The following DLGAP1 variants were observed in gnomAD, a reference collection of about 807,000 sequenced individuals.
DLGAP1 encodes the protein disks large-associated protein 1.
A neutral mutation model predicts 90.8 loss-of-function variants in DLGAP1; 11 were observed. The ratio of observed to expected loss-of-function variants is 0.12; its 90% CI spans 0.08 to 0.20. The LOEUF (loss-of-function observed/expected upper bound fraction) is 0.20. Ranked by LOEUF, DLGAP1 falls within the 10% of genes least tolerant of loss-of-function variation. The pLI is 1.00. For missense variants in DLGAP1, 1,050 were observed against 1,333.8 expected (o/e 0.79, Z 3.31); for synonymous variants, 558 against 540.7 (o/e 1.03, Z -0.44).
intron 9 of DLGAP1, among the ~76,000 whole-genome samples, chr18:3,548,825 C>G (rs1468273813): frequency 6.6e-6 from 1 of 152,016 alleles, no homozygotes; most frequent in African/African-American, 2.4e-5. Context: ...TTGCTTGAGC[C>G]CAGAGGTTTG....
intron 7 of DLGAP1, among the ~76,000 whole-genome samples, chr18:3,655,117 T>C (rs911919902): frequency 1.3e-5 from 2 of 151,924 alleles, no homozygotes; most frequent in South Asian, 4.2e-4. Context: ...CCTCCATGCA[T>C]TGCCCATTCA....
chr18:4,211,482 C>A (rs1020698826), intron 1 of DLGAP1, among the ~76,000 whole-genome samples: 1 of 152,104 alleles, frequency 6.6e-6, no homozygotes, highest in African/African-American at 2.4e-5. Flanking sequence ...AGGCATTAGA[C>A]CTAATCTTTC....
intron 5 of DLGAP1, among the ~76,000 whole-genome samples, chr18:3,810,021 G>A (rs1034112158): frequency 2.6e-5 from 4 of 152,030 alleles, no homozygotes; most frequent in Non-Finnish European, 5.9e-5. Context: ...GAATTTTTTT[G>A]AAAATGCTAA....
rs553319955 is a variant in DLGAP1 at position 4,012,718 on chromosome 18, C to CTT, written c.-158-7519_-158-7518dup. Among the ~76,000 whole-genome samples the CTT allele has an allele frequency of 5.8e-4, 82 of 141,972 alleles. No individual in the cohort carries two copies. The South Asian group carries it at 0.011, about 18-fold the overall frequency. The allele number at this position is 141,972 out of a possible 152,430, so 93.1% of individuals were successfully genotyped here. A position where few individuals can be genotyped will look rare whatever the true frequency, so the allele number is the denominator to read the frequency against. On this transcript the variant is annotated intron_variant, in intron 2 of 12. Transcript: ENST00000315677. ...ATCTTGTTAACAGATTGCTCCTGTT[C>CTT]TTTTTTTTTTTTTTTGAGACAGGGT... is the stretch of plus-strand genomic sequence containing the variant.
At chr18:4,435,121 G>A (rs1377686393) in intron 1 of DLGAP1, among the ~76,000 whole-genome samples, 2 of 152,168 alleles carry the variant, frequency 1.3e-5, no homozygotes, top group Non-Finnish European at 2.9e-5. Context: ...TCAGAGAATA[G>A]TTTGGAGGAG....
chr18:3,657,053 G>A (rs902060114), intron 7 of DLGAP1, among the ~76,000 whole-genome samples: 1 of 152,146 alleles, frequency 6.6e-6, no homozygotes, highest in Non-Finnish European at 1.5e-5. Context: ...GCTTTTCGGT[G>A]AATTTAAAGG....
At position 4,140,769 on chromosome 18, in the gene DLGAP1, T is replaced by A. The variant is rs185175038; in HGVS notation, c.-159+10411A>T. Among the ~76,000 whole-genome samples the A allele has an allele frequency of 7.2e-5, 11 of 152,140 alleles. No homozygotes were observed. The East Asian group carries it at 1.9e-3, about 27-fold the overall frequency. On this transcript the variant is annotated intron_variant, in intron 2 of 12. Coordinates refer to ENST00000315677, the MANE Select transcript of DLGAP1 (RefSeq NM_004746.4). ...TCTTCTGTTGTTCTCGAAAAGTATT[T>A]CTCCTTCATATTTGAAGGATATTTT... is the stretch of plus-strand genomic sequence containing the variant.
At chr18:4,116,402 A>T (rs190727435) in intron 2 of DLGAP1, among the ~76,000 whole-genome samples, 8 of 152,060 alleles carry the variant, frequency 5.3e-5, no homozygotes, top group Admixed American at 4.6e-4. Flanking sequence ...ATATTTAGGA[A>T]TTTTTCAGAC....
intron 1 of DLGAP1, among the ~76,000 whole-genome samples, chr18:4,218,149 A>G (rs1302583588): frequency 2.0e-5 from 3 of 151,310 alleles, no homozygotes; most frequent in Non-Finnish European, 4.4e-5. Context: ...CATTTGTTGA[A>G]AAGTCTGTCC....
At chr18:3,988,535 T>A (rs1273112007) in intron 3 of DLGAP1, among the ~76,000 whole-genome samples, 1 of 152,134 alleles carries the variant, frequency 6.6e-6, no homozygotes, top group Non-Finnish European at 1.5e-5. Flanking sequence ...GCGGGCAACC[T>A]AGATCCCTTG....
chr18:4,311,873 G>A (rs1451309776), intron 1 of DLGAP1, among the ~76,000 whole-genome samples: 2 of 152,216 alleles, frequency 1.3e-5, no homozygotes, highest in Non-Finnish European at 2.9e-5. Context: ...CCGCCACCAC[G>A]CCCGGCTAAT....
At chr18:3,586,977 CAG>C (rs1424666486) in intron 7 of DLGAP1, among the ~76,000 whole-genome samples, 5 of 152,102 alleles carry the variant, frequency 3.3e-5, no homozygotes, top group Non-Finnish European at 5.9e-5. Context: ...CTGGTCAAAA[CAG>C]AAAGAGAAAA....
chr18:3,760,052 G>A (rs928066762), intron 5 of DLGAP1, among the ~76,000 whole-genome samples: 13 of 152,208 alleles, frequency 8.5e-5, no homozygotes, highest in African/African-American at 7.2e-5. Context: ...TCATCAAAAC[G>A]TGGGCTTCCC....
intron 2 of DLGAP1, among the ~76,000 whole-genome samples, chr18:4,015,779 C>T (rs1052595663): frequency 1.3e-5 from 2 of 152,146 alleles, no homozygotes; most frequent in African/African-American, 4.8e-5. Flanking sequence ...GGAATATCAG[C>T]TTAATGTCAA....
In DLGAP1 at chr18:3,696,591, C is replaced by T. The variant is rs558057324; in HGVS notation, c.1591+32544G>A. On this transcript the variant is annotated intron_variant, in intron 7 of 12. Transcript: ENST00000315677. The stretch of plus-strand genomic sequence containing the variant: ...AAGCTTTTTGAAGTGACACTTGGTT[C>T]GGTTTGCCAGTATTTTATTGAGGAT... 6.6e-5 allele frequency among the ~76,000 whole-genome samples: 10 copies of T among 152,184 alleles called. No homozygotes were observed. The South Asian group carries it at 1.0e-3, about 16-fold the overall frequency.
At chr18:4,020,377 T>C (rs1379415084) in intron 2 of DLGAP1, among the ~76,000 whole-genome samples, 6 of 152,226 alleles carry the variant, frequency 3.9e-5, no homozygotes, top group Non-Finnish European at 1.5e-5. Context: ...AATTCTATGC[T>C]TTTAAAATGT....
At chr18:4,405,396 T>G (rs1256170892) in intron 1 of DLGAP1, among the ~76,000 whole-genome samples, 1 of 152,070 alleles carries the variant, frequency 6.6e-6, no homozygotes, top group African/African-American at 2.4e-5. Context: ...TTTGAAACAT[T>G]CATAATTAAT....
chr18:4,068,815 T>C (rs2075406094), intron 2 of DLGAP1, among the ~76,000 whole-genome samples: 1 of 152,136 alleles, frequency 6.6e-6, no homozygotes, highest in Admixed American at 6.6e-5. Flanking sequence ...GGGGAGCACC[T>C]TAGAAAACAT....
chr18:3,826,175 TGTTC>T (rs1289965587), intron 4 of DLGAP1, among the ~76,000 whole-genome samples: 3 of 152,122 alleles, frequency 2.0e-5, no homozygotes, highest in Non-Finnish European at 4.4e-5. Flanking sequence ...CTGAGTACTA[TGTTC>T]ATTATTTGGA....
Sources: gnomAD v4.1 joint callset for allele counts (sites outside exome capture counted in the v4.1 genomes callset) on GRCh38, gnomAD v4.1.1 for gene constraint, MANE v1.5 for transcripts, NCBI Gene and HGNC (gene_info 2026-07-23, HGNC 2026-07-21) for gene names.